SGCZ: variants seen among roughly 807,000 people sequenced by gnomAD.
The protein encoded by SGCZ is zeta-sarcoglycan.
In SGCZ, 40 loss-of-function variants were observed where a neutral mutation model predicts 41.3. The observed-to-expected ratio is 0.97, with a 90% confidence interval of 0.75 to 1.26. The LOEUF is 1.26. SGCZ is among the 50% of genes most tolerant of loss of function. The pLI, the probability that SGCZ is intolerant of heterozygous loss-of-function variation, is 0.00. For missense variants in SGCZ, 552 were observed against 369.8 expected (o/e 1.49, Z -4.04); for synonymous variants, 206 against 137.5 (o/e 1.50, Z -3.49).
chr8:14,221,509 T>C (rs1373116619), intron 4 of SGCZ, among the ~76,000 whole-genome samples: 1 of 152,170 alleles, frequency 6.6e-6, no homozygotes. Flanking sequence ...GAAATAAAAA[T>C]ACTAGCAGCA....
chr8:14,720,217 T>G (rs901151631), intron 1 of SGCZ, among the ~76,000 whole-genome samples: 11 of 151,974 alleles, frequency 7.2e-5, no homozygotes, highest in African/African-American at 2.7e-4. Flanking sequence ...CTTACATGCT[T>G]AAAATAAAAG....
intron 2 of SGCZ, among the ~76,000 whole-genome samples, chr8:14,346,690 G>T (rs997580695): frequency 7.9e-5 from 12 of 151,834 alleles, no homozygotes; most frequent in African/African-American, 2.7e-4. Context: ...TACATTATAA[G>T]GGAAGAATAA....
At chr8:15,061,142 C>T (rs1433577403) in intron 1 of SGCZ, among the ~76,000 whole-genome samples, 1 of 142,448 alleles carries the variant, frequency 7.0e-6, no homozygotes, top group Non-Finnish European at 1.6e-5. Context: ...TGTATCCCCC[C>T]AAACTCATGT....
At chr8:14,395,980 T>C (rs1015149649) in intron 2 of SGCZ, among the ~76,000 whole-genome samples, 18 of 152,220 alleles carry the variant, frequency 1.2e-4, no homozygotes, top group Admixed American at 3.3e-4. Flanking sequence ...AGTCATCATT[T>C]ACATCTAATG....
chr8:15,102,049 C>T (rs1022572816), intron 1 of SGCZ, among the ~76,000 whole-genome samples: 3 of 152,172 alleles, frequency 2.0e-5, no homozygotes, highest in African/African-American at 7.2e-5. Context: ...CCAGCAATCA[C>T]ACTCCTATAT....
At chr8:14,659,395 A>G (rs1807676439) in intron 1 of SGCZ, among the ~76,000 whole-genome samples, 1 of 152,186 alleles carries the variant, frequency 6.6e-6, no homozygotes, top group African/African-American at 2.4e-5. Context: ...GTAAAAATTA[A>G]TTGATAAAAA....
At chr8:15,065,792 G>A (rs1327787887) in intron 1 of SGCZ, among the ~76,000 whole-genome samples, 3 of 152,060 alleles carry the variant, frequency 2.0e-5, no homozygotes, top group African/African-American at 7.2e-5. Flanking sequence ...ATGTCTGGAG[G>A]TCACGATATC....
At chr8:14,351,578 G>T (rs1803095503) in intron 2 of SGCZ, among the ~76,000 whole-genome samples, 1 of 150,886 alleles carries the variant, frequency 6.6e-6, no homozygotes, top group African/African-American at 2.4e-5. Context: ...AATATATAAT[G>T]TATATATTAT....
chr8:14,971,860 G>C (rs1801309498), intron 1 of SGCZ, among the ~76,000 whole-genome samples: 1 of 151,860 alleles, frequency 6.6e-6, no homozygotes, highest in Non-Finnish European at 1.5e-5. Flanking sequence ...ATGTTGGCCA[G>C]AATGGTTTCA....
At chr8:14,347,991 C>G (rs961098185) in intron 2 of SGCZ, among the ~76,000 whole-genome samples, 2 of 152,198 alleles carry the variant, frequency 1.3e-5, no homozygotes, top group East Asian at 1.9e-4. Context: ...CAGACATTCC[C>G]TTGCATCATG....
intron 3 of SGCZ, among the ~76,000 whole-genome samples, chr8:14,242,312 G>C (rs146054003): frequency 2.3e-4 from 35 of 152,172 alleles, no homozygotes; most frequent in Non-Finnish European, 4.4e-5. Flanking sequence ...ATCAATGCCA[G>C]ATACTGCTCT....
intron 1 of SGCZ, among the ~76,000 whole-genome samples, chr8:14,897,500 C>T (rs1805245955): frequency 6.6e-6 from 1 of 152,130 alleles, no homozygotes; most frequent in South Asian, 2.1e-4. Context: ...AGGATTCTTT[C>T]CCTTTTCAAC....
chr8:14,416,865 G>A (rs113282880), intron 2 of SGCZ, among the ~76,000 whole-genome samples: 1 of 151,810 alleles, frequency 6.6e-6, no homozygotes, highest in Non-Finnish European at 1.5e-5. Context: ...GAGTATAAAA[G>A]TGCTTACTAA....
At chr8:14,542,951 A>T (rs1340301059) in intron 2 of SGCZ, among the ~76,000 whole-genome samples, 1 of 151,958 alleles carries the variant, frequency 6.6e-6, no homozygotes, top group African/African-American at 2.4e-5. Context: ...GGCCTTAAAA[A>T]CTTCTTCAAA....
chr8:14,146,778 A>C (rs1278697426), intron 5 of SGCZ, among the ~76,000 whole-genome samples: 1 of 144,820 alleles, frequency 6.9e-6, no homozygotes, highest in South Asian at 2.2e-4. Context: ...AGGCTGAGGC[A>C]GGAGAATGGC....
chr8:15,168,406 T>C lies in SGCZ; in HGVS notation c.39+69179A>G, dbSNP rs1226887462. ...GAGGCTACTGACGGTAGGAAAGAGA[T>C]ATAGGTGAGAGCAGATAATTCCCTA... On this transcript the variant is annotated intron_variant, in intron 1 of 7. Coordinates refer to ENST00000382080, the MANE Select transcript of SGCZ (RefSeq NM_139167.4). 2.0e-5 allele frequency among the ~76,000 whole-genome samples: 3 copies of C among 152,118 alleles called. No homozygotes were observed. In the East Asian group the frequency reaches 5.8e-4, roughly 29 times the overall value.
chr8:14,996,274 C>G (rs367860534), intron 1 of SGCZ, among the ~76,000 whole-genome samples: 2 of 152,126 alleles, frequency 1.3e-5, no homozygotes, highest in Admixed American at 6.5e-5. Flanking sequence ...CATTCTGAAC[C>G]GCATGAAACC....
intron 1 of SGCZ, among the ~76,000 whole-genome samples, chr8:14,887,979 G>A (rs1444837022): frequency 6.6e-6 from 1 of 152,130 alleles, no homozygotes; most frequent in Non-Finnish European, 1.5e-5. Context: ...TTCAATAGGA[G>A]GGATAAATGA....
At chr8:14,100,536 AATATTATACATTAGATTAAT>A (rs899134238) in intron 7 of SGCZ, among the ~76,000 whole-genome samples, 1 of 124,426 alleles carries the variant, frequency 8.0e-6, no homozygotes, top group Non-Finnish European at 1.7e-5. Flanking sequence ...ATATTTTCAA[AATATTATACATTAGATTAAT>A]ATATTATATA....
Sources: allele counts gnomAD v4.1 joint callset (sites outside exome capture counted in the v4.1 genomes callset), GRCh38; gene constraint gnomAD v4.1.1; transcripts MANE v1.5; gene names NCBI Gene and HGNC (gene_info 2026-07-23, HGNC 2026-07-21).